The following SCN1A variants were observed in gnomAD, a reference collection of about 807,000 sequenced individuals.
The protein encoded by SCN1A is sodium channel protein type 1 subunit alpha.
Under a neutral mutation model 193.7 loss-of-function variants are expected in SCN1A, and 13 were observed. The observed-to-expected ratio is 0.07, with a 90% CI of 0.04 to 0.11. The LOEUF is 0.11. Among genes scored for constraint, SCN1A ranks in the 10% least tolerant of loss-of-function variants. The pLI is 1.00. For synonymous variants in SCN1A, 781 were observed against 843.6 expected, an observed-to-expected ratio of 0.93 and a Z score of 1.29; for missense variants, 1,432 against 2,451.1, an observed-to-expected ratio of 0.58 and a Z score of 8.78.
At chr2:166,082,159 T>TA (rs1352383904) in intron 2 of SCN1A, among the ~76,000 whole-genome samples, 2 of 151,934 alleles carry the variant, frequency 1.3e-5, no homozygotes, top group Admixed American at 6.6e-5. Flanking sequence ...GGCAAAGATT[T>TA]AAAAAACAGA....
chr2:166,128,501 G>C (rs1033509932), upstream of SCN1A, among the ~76,000 whole-genome samples: 6 of 151,988 alleles, frequency 3.9e-5, no homozygotes, highest in Non-Finnish European at 7.4e-5. Context: ...TGTGTTTTAG[G>C]ATTAGGTTTC....
rs1448241421 is a variant in SCN1A, at chr2:166,078,082, A to C, written c.-141-281T>G. Among the ~76,000 whole-genome samples, 3 of 151,884 alleles carry C rather than the reference A, an allele frequency of 2.0e-5. No individual in the cohort carries two copies. In the East Asian group the frequency reaches 5.8e-4, roughly 29 times the overall value. On this transcript the variant is annotated intron_variant, in intron 2 of 28. Transcript: ENST00000674923. ...AAAATACTTTGCATGACACTGTAAT[A>C]GTGGACACATGTCATTATACATTTG...
chr2:165,994,396 G>C lies in SCN1A; in HGVS notation c.4602C>G (p.Val1534=), dbSNP rs781716562. 2 of 1,612,792 alleles carry C rather than the reference G, an allele frequency of 1.2e-6. No individual in the cohort carries two copies. The highest frequency in any genetic ancestry group is 1.7e-6 in the Non-Finnish European group (2 of 1,179,242). Residue 1534 remains valine, a synonymous_variant, in exon 28 of 29, where the codon GTC becomes GTG. Coordinates refer to ENST00000674923, the MANE Select transcript of SCN1A (RefSeq NM_001165963.4). ...AAACTTGTCTGGTTACGAAGTCAAA[G>C]ACCATTCCTTGAAATTTGTTCTGTA... ...PRPGNKFQGM[V]FDFVTRQVFD...
chr2:166,141,385 T>A (rs1034808967), intron 1 of SCN1A, among the ~76,000 whole-genome samples: 1 of 152,136 alleles, frequency 6.6e-6, no homozygotes, highest in Non-Finnish European at 1.5e-5. Context: ...ATTTTTCTTT[T>A]TTTTATAAAT....
rs1351809843 is a variant in SCN1A at position 165,991,478 on chromosome 2, G to T, written c.5797C>A (p.Arg1933=). 1.4e-5 allele frequency: 23 copies of T among 1,613,780 alleles called. No individual in the cohort carries two copies. The highest frequency in any genetic ancestry group is 3.3e-5 in the Admixed American group (2 of 59,956). The change falls in exon 29 of 29, where the codon CGA becomes AGA. Residue 1933 remains arginine, a synonymous_variant. Coordinates refer to ENST00000674923, the MANE Select transcript of SCN1A (RefSeq NM_001165963.4). ...QRAYRRHLLK[R]TVKQASFTYN... Reference sequence around the variant, plus strand: ...GTAAAGGAAGCTTGTTTTACAGTTCGCTTTAAAAGGTGGCGTCTGTAAGCA... The same window carrying T: ...GTAAAGGAAGCTTGTTTTACAGTTCTCTTTAAAAGGTGGCGTCTGTAAGCA...
intron 4 of SCN1A, among the ~76,000 whole-genome samples, chr2:166,072,957 A>T (rs933366123): frequency 1.3e-5 from 2 of 149,518 alleles, no homozygotes; most frequent in African/African-American, 4.9e-5. Context: ...CCCCTGCCTC[A>T]GCCTCCTGAG....
At chr2:166,087,517 C>A (rs2106057968) in intron 2 of SCN1A, among the ~76,000 whole-genome samples, 1 of 152,226 alleles carries the variant, frequency 6.6e-6, no homozygotes, top group Admixed American at 6.5e-5. Context: ...TGTTTCCTCT[C>A]TGGCCATGTG....
At chr2:166,098,185 T>G (rs1012085980) in intron 2 of SCN1A, among the ~76,000 whole-genome samples, 1 of 152,166 alleles carries the variant, frequency 6.6e-6, no homozygotes, top group Non-Finnish European at 1.5e-5. Context: ...TCAAGTAGGC[T>G]TTATTCCTAG....
Position 165,996,005 on chromosome 2 carries a change from C to T in SCN1A, c.4581+8G>A, listed in dbSNP as rs2105461281. 2 of 1,565,922 alleles carry T rather than the reference C, an allele frequency of 1.3e-6. No homozygotes were observed. Among genetic ancestry groups the T allele is most frequent in the Non-Finnish European group, 1.8e-6 (2 of 1,137,544 alleles). On this transcript the variant is annotated splice_region_variant and intron_variant, in intron 27 of 28. Transcript: ENST00000674923. ...TATTTTTCCCCCATATCATTTGATA[C>T]TTCTTACTCCTGGTCGAGGTATAGG...
chr2:166,040,812 G>A (rs1559208233), intron 16 of SCN1A, among the ~76,000 whole-genome samples: 1 of 152,190 alleles, frequency 6.6e-6, no homozygotes, highest in Non-Finnish European at 1.5e-5. Flanking sequence ...TCCTGGAAGA[G>A]GAAAAGCTGG....
intron 2 of SCN1A, among the ~76,000 whole-genome samples, chr2:166,112,803 G>T (rs952073768): frequency 5.3e-5 from 8 of 152,086 alleles, no homozygotes; most frequent in Non-Finnish European, 1.2e-4. Flanking sequence ...GCATCTGCAA[G>T]GGATGGGCTA....
chr2:166,047,530 C>T, intron 11 of SCN1A, 97 bp downstream of exon 11: 1 of 1,385,764 alleles, frequency 7.2e-7, no homozygotes, highest in Non-Finnish European at 1.0e-6. Context: ...AAGTTCTGCT[C>T]TTTCTACTAT....
At chr2:166,042,164 A>G in intron 15 of SCN1A, 128 bp downstream of exon 15, 1 of 877,308 alleles carries the variant, frequency 1.1e-6, no homozygotes, top group South Asian at 1.7e-5. Context: ...ATAAGAAATA[A>G]CAGCTCTTGA....
intron 1 of SCN1A, among the ~76,000 whole-genome samples, chr2:166,140,748 G>A (rs1692045028): frequency 6.6e-6 from 1 of 151,818 alleles, no homozygotes; most frequent in African/African-American, 2.4e-5. Context: ...TGCAAACATC[G>A]TATTTAATTA....
At chr2:165,997,886 T>A in intron 26 of SCN1A, 152 bp downstream of exon 26, 1 of 599,786 alleles carries the variant, frequency 1.7e-6, no homozygotes, top group Non-Finnish European at 3.0e-6. Flanking sequence ...CGGAAATATA[T>A]GGATAGTGAA....
chr2:166,054,377 ATGTG>A (rs1698913296), intron 7 of SCN1A, among the ~76,000 whole-genome samples: 1 of 151,634 alleles, frequency 6.6e-6, no homozygotes, highest in African/African-American at 2.4e-5. Context: ...GTGTTTGTGC[ATGTG>A]TGTGTGGAAG....
chr2:166,055,304 C>A (rs901251277), intron 6 of SCN1A, among the ~76,000 whole-genome samples: 1 of 151,142 alleles, frequency 6.6e-6, no homozygotes, highest in African/African-American at 2.4e-5. Context: ...GAATAAAATT[C>A]TTCTGATAAT....
At chr2:166,029,338 G>A (rs1431510068) in intron 19 of SCN1A, among the ~76,000 whole-genome samples, 1 of 152,112 alleles carries the variant, frequency 6.6e-6, no homozygotes, top group African/African-American at 2.4e-5. Context: ...CAGTAAAACT[G>A]GAAGATGATG....
intron 8 of SCN1A, 106 bp from the exon 9 acceptor site, chr2:166,052,094 G>A (rs1698640195): frequency 1.9e-6 from 2 of 1,058,486 alleles, no homozygotes; most frequent in Non-Finnish European, 2.8e-6. Flanking sequence ...ATCCAAGAAT[G>A]TTTGCAACGC....
Sources: allele counts gnomAD v4.1 joint callset (sites outside exome capture counted in the v4.1 genomes callset), GRCh38; gene constraint gnomAD v4.1.1; transcripts MANE v1.5; gene names NCBI Gene and HGNC (gene_info 2026-07-23, HGNC 2026-07-21).